Variants in CTNNAL1 observed in about 807,000 individuals in gnomAD.
CTNNAL1 encodes catenin alpha like 1, also known as alpha-catulin.
In CTNNAL1, 69 loss-of-function variants were observed where a neutral mutation model predicts 93.6. The ratio of observed to expected loss-of-function variants is 0.74; its 90% CI spans 0.61 to 0.90. The LOEUF is 0.90. Ranked by LOEUF, CTNNAL1 falls within the 40% of genes least tolerant of loss-of-function variation. The pLI is 0.00. For synonymous variants in CTNNAL1, 286 were observed against 305.4 expected (o/e 0.94, Z 0.66); for missense variants, 836 against 862.0 (o/e 0.97, Z 0.38).
Position 108,983,292 on chromosome 9 carries a change from G to A in CTNNAL1, c.753C>T (p.Cys251=), listed in dbSNP as rs1270872468. Residue 251 remains cysteine, a synonymous_variant, in exon 6 of 19, where the codon TGC becomes TGT. Transcript: ENST00000325551. The part of the protein sequence containing the change: ...ASKTCLRHPN[C]ESAHKNKEGV... ...CTTCTTTGTTTTTATGGGCTGATTC[G>A]CAGTTAGGATGCCTCAGACATGTCT... 1.5e-5 allele frequency: 24 copies of A among 1,554,048 alleles called. No individual in the cohort carries two copies. The highest frequency in any genetic ancestry group is 6.3e-5 in the South Asian group (5 of 79,918).
intron 4 of CTNNAL1, among the ~76,000 whole-genome samples, chr9:108,989,440 A>G (rs2583380): frequency 0.93 from 141,498 of 151,920 alleles, 65,993 homozygotes; most frequent in East Asian, 1. Flanking sequence ...GAAACAATAA[A>G]GTACCTGCCT....
At chr9:108,971,583 A>C (rs1302820639) in intron 9 of CTNNAL1, among the ~76,000 whole-genome samples, 1 of 152,158 alleles carries the variant, frequency 6.6e-6, no homozygotes, top group African/African-American at 2.4e-5. Flanking sequence ...CCCCCCCTGT[A>C]CATACTTTCT....
intron 6 of CTNNAL1, among the ~76,000 whole-genome samples, chr9:108,981,497 AAC>A (rs1232168935): frequency 4.0e-5 from 6 of 151,394 alleles, no homozygotes; most frequent in Non-Finnish European, 7.4e-5. Flanking sequence ...AAAAAAAAAA[AAC>A]AGTATATAAT....
intron 17 of CTNNAL1, 113 bp downstream of exon 17, chr9:108,943,590 T>A (rs1830310710): frequency 2.6e-6 from 2 of 783,214 alleles, no homozygotes; most frequent in African/African-American, 1.8e-5. Context: ...AGACAAGGCA[T>A]GAAAAAAGGA....
chr9:109,009,178 G>C (rs947992798), intron 1 of CTNNAL1, among the ~76,000 whole-genome samples: 7 of 152,034 alleles, frequency 4.6e-5, no homozygotes, highest in African/African-American at 1.7e-4. Flanking sequence ...CTACAGGTGT[G>C]AGCCACTGCG....
chr9:108,959,437 T>TA (rs1470383641), intron 11 of CTNNAL1, among the ~76,000 whole-genome samples: 1 of 140,614 alleles, frequency 7.1e-6, no homozygotes, highest in East Asian at 2.1e-4. Flanking sequence ...GGAAAAAAAT[T>TA]AAAAAATCTG....
chr9:108,994,623 T>C (rs377495947), intron 2 of CTNNAL1, among the ~76,000 whole-genome samples: 4 of 152,268 alleles, frequency 2.6e-5, no homozygotes, highest in Admixed American at 6.5e-5. Flanking sequence ...ATAATGACAA[T>C]AGCTGAAGCT....
chr9:108,985,023 C>A (rs548882008), intron 4 of CTNNAL1, among the ~76,000 whole-genome samples: 55 of 152,304 alleles, frequency 3.6e-4, no homozygotes, highest in Middle Eastern at 3.4e-3. Context: ...CCTAAGAAAG[C>A]ACTGTGTATT....
At chr9:108,949,478 T>C (rs559552610) in intron 14 of CTNNAL1, among the ~76,000 whole-genome samples, 6 of 152,040 alleles carry the variant, frequency 3.9e-5, no homozygotes, top group African/African-American at 1.4e-4. Context: ...GAGGCCAAGG[T>C]GGGCAGATCA....
At chr9:108,984,869 G>A (rs1456431954) in intron 4 of CTNNAL1, among the ~76,000 whole-genome samples, 1 of 152,194 alleles carries the variant, frequency 6.6e-6, no homozygotes, top group Non-Finnish European at 1.5e-5. Context: ...TCTTTAAGGA[G>A]CCTCGTCTAA....
chr9:109,007,751 C>A (rs781556761), intron 1 of CTNNAL1, among the ~76,000 whole-genome samples: 2 of 152,168 alleles, frequency 1.3e-5, no homozygotes, highest in Non-Finnish European at 2.9e-5. Context: ...TGTGCAGCCA[C>A]CACCAAGCTT....
intron 4 of CTNNAL1, among the ~76,000 whole-genome samples, chr9:108,986,734 A>C (rs1267282028): frequency 6.6e-6 from 1 of 152,102 alleles, no homozygotes; most frequent in East Asian, 1.9e-4. Context: ...CTGGTGTGAG[A>C]TGGTATCTCA....
chr9:108,992,233 A>T (rs28361112), intron 3 of CTNNAL1, among the ~76,000 whole-genome samples: 281 of 152,296 alleles, frequency 1.8e-3, no homozygotes, highest in Non-Finnish European at 2.9e-3. Flanking sequence ...CTAAGAGGAG[A>T]CATTACTTGC....
chr9:108,971,744 A>G (rs1290640320), intron 9 of CTNNAL1, among the ~76,000 whole-genome samples: 1 of 152,178 alleles, frequency 6.6e-6, no homozygotes, highest in African/African-American at 2.4e-5. Context: ...CAGCAGAGTG[A>G]GAACAGACTA....
chr9:108,948,296 A>T (rs1425046593), intron 14 of CTNNAL1, 62 bp from the exon 15 acceptor site: 1 of 1,496,676 alleles, frequency 6.7e-7, no homozygotes, highest in Non-Finnish European at 9.1e-7. Context: ...TTGACTTTAT[A>T]ATATTAAAAT....
intron 8 of CTNNAL1, 31 bp from the exon 9 acceptor site, chr9:108,972,864 G>GGGGGGGGGCCCAC: frequency 7.0e-6 from 1 of 142,588 alleles, no homozygotes; most frequent in South Asian, 1.2e-4. Flanking sequence ...GGGGGGGTGG[G>GGGGGGGGGCCCAC]AGGGTGGAGA....
rs538695740 is a variant in CTNNAL1 at position 108,987,941 on chromosome 9, G to A, written c.639+2785C>T. On this transcript the variant is annotated intron_variant, in intron 4 of 18. Coordinates refer to ENST00000325551, the MANE Select transcript of CTNNAL1 (RefSeq NM_003798.4). Reference sequence around the variant, plus strand: ...AGGAGATTTTGGGCTGAGACAGTGGGGTTTTCTAGATATACAATCATGTCA... The same window carrying A: ...AGGAGATTTTGGGCTGAGACAGTGGAGTTTTCTAGATATACAATCATGTCA... Among the ~76,000 whole-genome samples, 276 of 152,224 alleles carry A rather than the reference G, an allele frequency of 1.8e-3. 1 individual carries two copies. Among genetic ancestry groups the A allele is most frequent in the Middle Eastern group, 0.01 (3 of 294 alleles).
intron 1 of CTNNAL1, among the ~76,000 whole-genome samples, chr9:109,008,876 C>CTTTTTT (rs1162375548): frequency 9.1e-5 from 5 of 54,892 alleles, no homozygotes; most frequent in Non-Finnish European, 1.4e-4. Context: ...AACAGAGGTT[C>CTTTTTT]TTTTTTTTTT....
At chr9:108,949,700 C>T (rs1337534979) in intron 14 of CTNNAL1, among the ~76,000 whole-genome samples, 4 of 152,138 alleles carry the variant, frequency 2.6e-5, no homozygotes, top group East Asian at 3.9e-4. Flanking sequence ...AAAAATTAGC[C>T]GGGCGTGGTG....
Sources: allele counts gnomAD v4.1 joint callset (sites outside exome capture counted in the v4.1 genomes callset), GRCh38; gene constraint gnomAD v4.1.1; transcripts MANE v1.5; gene names NCBI Gene and HGNC (gene_info 2026-07-23, HGNC 2026-07-21).